The following GUCY1A2 variants were observed in gnomAD, a reference collection of about 807,000 sequenced individuals.
GUCY1A2 encodes guanylate cyclase soluble subunit alpha-2.
GUCY1A2 carries 27 observed loss-of-function variants against 63.5 expected under a neutral mutation model. The observed-to-expected ratio is 0.43, with a 90% CI of 0.31 to 0.59. GUCY1A2 has a LOEUF of 0.59. GUCY1A2 is among the 20% of genes least tolerant of loss of function. The pLI is 0.11. For missense variants in GUCY1A2, 768 were observed against 913.3 expected, an observed-to-expected ratio of 0.84 and a Z score of 2.05; for synonymous variants, 364 against 343.5, an observed-to-expected ratio of 1.06 and a Z score of -0.66.
chr11:106,695,435 T>C (rs538469506), intron 7 of GUCY1A2, among the ~76,000 whole-genome samples: 4 of 152,216 alleles, frequency 2.6e-5, no homozygotes, highest in Admixed American at 1.3e-4. Flanking sequence ...TCTATTGTAA[T>C]AGCATTGGGC....
At chr11:106,970,394 G>A (rs890824788) in intron 3 of GUCY1A2, among the ~76,000 whole-genome samples, 2 of 152,132 alleles carry the variant, frequency 1.3e-5, no homozygotes, top group African/African-American at 4.8e-5. Flanking sequence ...AAATTTTTAA[G>A]CAGTTTCTAA....
intron 5 of GUCY1A2, among the ~76,000 whole-genome samples, chr11:106,803,683 A>G (rs1037996311): frequency 2.6e-5 from 4 of 152,204 alleles, no homozygotes; most frequent in African/African-American, 9.6e-5. Context: ...CACAAAATAA[A>G]ACTATAAAGT....
chr11:106,879,111 T>C (rs1859790502), intron 4 of GUCY1A2, among the ~76,000 whole-genome samples: 1 of 149,840 alleles, frequency 6.7e-6, no homozygotes, highest in African/African-American at 2.5e-5. Context: ...ACCAGAACAG[T>C]CTTTTTTAGT....
chr11:106,918,487 A>T (rs544513252), intron 4 of GUCY1A2, among the ~76,000 whole-genome samples: 1 of 145,684 alleles, frequency 6.9e-6, no homozygotes, highest in East Asian at 2.1e-4. Flanking sequence ...TTGTTTGCAT[A>T]TTCTTCCTCG....
chr11:106,824,597 T>G (rs1474347939), intron 4 of GUCY1A2, among the ~76,000 whole-genome samples: 1 of 152,078 alleles, frequency 6.6e-6, no homozygotes, highest in African/African-American at 2.4e-5. Context: ...ACATTTGAGG[T>G]CTTTAGAACT....
intron 7 of GUCY1A2, among the ~76,000 whole-genome samples, chr11:106,697,244 A>T (rs2135340419): frequency 6.6e-6 from 1 of 152,354 alleles, no homozygotes; most frequent in Non-Finnish European, 1.5e-5. Flanking sequence ...CTAATGCATG[A>T]GAATCTTTGC....
chr11:106,820,780 T>G (rs1858891377), intron 4 of GUCY1A2, among the ~76,000 whole-genome samples: 1 of 152,154 alleles, frequency 6.6e-6, no homozygotes, highest in South Asian at 2.1e-4. Context: ...AAAGTGTATG[T>G]GTGAGGAGGG....
intron 6 of GUCY1A2, among the ~76,000 whole-genome samples, chr11:106,769,452 T>C (rs955528447): frequency 6.6e-5 from 10 of 152,136 alleles, no homozygotes; most frequent in Non-Finnish European, 1.5e-4. Flanking sequence ...AAGGAGAGTA[T>C]GTAGAATGAG....
intron 7 of GUCY1A2, among the ~76,000 whole-genome samples, chr11:106,691,176 G>C (rs1014349418): frequency 2.0e-5 from 3 of 152,106 alleles, no homozygotes; most frequent in African/African-American, 4.8e-5. Context: ...ATTGTAAATA[G>C]TCCTCTGAAT....
intron 2 of GUCY1A2, among the ~76,000 whole-genome samples, chr11:106,980,183 G>A (rs1199981659): frequency 1.3e-5 from 2 of 152,218 alleles, no homozygotes; most frequent in Non-Finnish European, 2.9e-5. Context: ...GTTTGGCAGG[G>A]CAAATATGTG....
intron 6 of GUCY1A2, among the ~76,000 whole-genome samples, chr11:106,735,377 A>G (rs1863571654): frequency 6.6e-6 from 1 of 152,096 alleles, no homozygotes; most frequent in African/African-American, 2.4e-5. Context: ...GCTCCCACAA[A>G]TGGGTGAGAA....
chr11:106,828,879 A>G (rs548245684), intron 4 of GUCY1A2, among the ~76,000 whole-genome samples: 9 of 152,364 alleles, frequency 5.9e-5, no homozygotes, highest in Non-Finnish European at 1.2e-4. Context: ...TCACAGAGCT[A>G]TTTCAACAAA....
intron 1 of GUCY1A2, among the ~76,000 whole-genome samples, chr11:106,998,450 G>A (rs971227825): frequency 3.3e-5 from 5 of 152,102 alleles, no homozygotes; most frequent in South Asian, 2.1e-4. Flanking sequence ...TCTGTCAAAC[G>A]TTGTCCTGCA....
chr11:106,936,624 G>A, intron 4 of GUCY1A2: 1 of 1,381,424 alleles, frequency 7.2e-7, no homozygotes, highest in Non-Finnish European at 9.9e-7. Flanking sequence ...GCTTGGTCAA[G>A]CCATCTGGAA....
intron 6 of GUCY1A2, among the ~76,000 whole-genome samples, chr11:106,709,055 C>G (rs7949698): frequency 6.9e-6 from 1 of 145,848 alleles, no homozygotes; most frequent in East Asian, 2.0e-4. Flanking sequence ...TTTCATAGCA[C>G]TAAACATAAT....
chr11:106,947,923 AG>A (rs1395593085), intron 3 of GUCY1A2, among the ~76,000 whole-genome samples: 1 of 152,122 alleles, frequency 6.6e-6, no homozygotes, highest in African/African-American at 2.4e-5. Flanking sequence ...ACTATGGAGT[AG>A]GAATTAATAG....
At position 106,809,978 on chromosome 11, in the gene GUCY1A2, A is replaced by T; in HGVS notation, c.1692+15T>A. On this transcript the variant is annotated intron_variant, in intron 5 of 7. Transcript: ENST00000526355. ...ATTAAAAAACATTTATATGTAAGTA[A>T]CTAAACTCCCTTACCTTATAAATAT... 6.6e-7 allele frequency: 1 copy of T among 1,519,776 alleles called. No homozygotes were observed. Among genetic ancestry groups the T allele is most frequent in the South Asian group, 1.2e-5 (1 of 82,294 alleles). 94.1% of individuals were successfully genotyped at this position (1,519,776 alleles called of 1,614,324 possible).
At chr11:106,913,986 CAAAAAAAAA>C (rs11325847) in intron 4 of GUCY1A2, among the ~76,000 whole-genome samples, 3 of 71,262 alleles carry the variant, frequency 4.2e-5, no homozygotes, top group East Asian at 9.6e-4. Context: ...AATGAAAAAG[CAAAAAAAAA>C]AAAAAAAAGA....
At chr11:107,003,408 T>C (rs1489251473) in intron 1 of GUCY1A2, among the ~76,000 whole-genome samples, 2 of 152,142 alleles carry the variant, frequency 1.3e-5, no homozygotes, top group African/African-American at 4.8e-5. Flanking sequence ...CTGTCACCTA[T>C]ATTCTTTTTA....
Sources: gnomAD v4.1 joint callset for allele counts (sites outside exome capture counted in the v4.1 genomes callset) on GRCh38, gnomAD v4.1.1 for gene constraint, MANE v1.5 for transcripts, NCBI Gene and HGNC (gene_info 2026-07-23, HGNC 2026-07-21) for gene names.